KCTD8: variants seen among roughly 807,000 people sequenced by gnomAD.
The protein encoded by KCTD8 is potassium channel tetramerization domain containing 8.
KCTD8 carries 27 observed loss-of-function variants against 31.5 expected under a neutral mutation model. The observed-to-expected ratio is 0.86, with a 90% CI of 0.63 to 1.18. The LOEUF is 1.18. Ranked by LOEUF, KCTD8 falls within the 50% of genes most tolerant of loss-of-function variation. The pLI is 0.00. For synonymous variants in KCTD8, 290 were observed against 280.0 expected (o/e 1.04, Z -0.36); for missense variants, 658 against 647.7 (o/e 1.02, Z -0.17).
At chr4:44,204,237 T>C (rs1302077833) in intron 1 of KCTD8, among the ~76,000 whole-genome samples, 1 of 152,128 alleles carries the variant, frequency 6.6e-6, no homozygotes, top group South Asian at 2.1e-4. Context: ...AGTATTTCCA[T>C]TTAAGGTAGG....
intron 1 of KCTD8, among the ~76,000 whole-genome samples, chr4:44,218,471 A>G (rs958926878): frequency 4.0e-5 from 6 of 151,596 alleles, no homozygotes; most frequent in Non-Finnish European, 8.8e-5. Context: ...TTGTAACTCA[A>G]AGGATAAATG....
At position 44,352,627 on chromosome 4, in the gene KCTD8, T is replaced by C. The variant is rs1309689980; in HGVS notation, c.961+94936A>G. ...ATAAAGACCAGATTTTTAGAAATCA[T>C]AGAAAATATAAAACACATTGAAATA... On this transcript the variant is annotated intron_variant, in intron 1 of 1. Transcript: ENST00000360029. 2.7e-5 allele frequency among the ~76,000 whole-genome samples: 4 copies of C among 150,276 alleles called. No individual in the cohort carries two copies. In the East Asian group the frequency reaches 5.8e-4, roughly 22 times the overall value.
chr4:44,274,072 C>G (rs1324402962), intron 1 of KCTD8, among the ~76,000 whole-genome samples: 2 of 151,834 alleles, frequency 1.3e-5, no homozygotes, highest in Non-Finnish European at 2.9e-5. Context: ...TTCTTTAACT[C>G]TACAGATAGT....
At chr4:44,363,814 G>A (rs1394571661) in intron 1 of KCTD8, among the ~76,000 whole-genome samples, 1 of 151,990 alleles carries the variant, frequency 6.6e-6, no homozygotes, top group Non-Finnish European at 1.5e-5. Context: ...CATGGGGGTT[G>A]GTTGAAGGAC....
chr4:44,281,773 A>G (rs757180450), intron 1 of KCTD8, among the ~76,000 whole-genome samples: 1 of 152,164 alleles, frequency 6.6e-6, no homozygotes, highest in Non-Finnish European at 1.5e-5. Flanking sequence ...TGGCACTGGT[A>G]TTAAACACTA....
At chr4:44,222,260 G>A (rs979936893) in intron 1 of KCTD8, among the ~76,000 whole-genome samples, 3 of 151,982 alleles carry the variant, frequency 2.0e-5, no homozygotes. Flanking sequence ...TTGCTGAGTT[G>A]AGCCTGAAGT....
intron 1 of KCTD8, among the ~76,000 whole-genome samples, chr4:44,356,418 G>A (rs982554477): frequency 1.3e-5 from 2 of 152,154 alleles, no homozygotes; most frequent in African/African-American, 4.8e-5. Flanking sequence ...CCCATAGATA[G>A]ATCTGTTAGG....
At chr4:44,284,764 C>A (rs940373994) in intron 1 of KCTD8, among the ~76,000 whole-genome samples, 4 of 152,054 alleles carry the variant, frequency 2.6e-5, no homozygotes, top group African/African-American at 9.7e-5. Flanking sequence ...AGAACTTAAA[C>A]AAATTTACAA....
intron 1 of KCTD8, among the ~76,000 whole-genome samples, chr4:44,229,790 A>G (rs1289754449): frequency 1.3e-5 from 2 of 151,908 alleles, no homozygotes; most frequent in Non-Finnish European, 2.9e-5. Flanking sequence ...GATCTACTAA[A>G]CACTCTACAA....
intron 1 of KCTD8, among the ~76,000 whole-genome samples, chr4:44,363,492 A>G (rs1377710379): frequency 6.6e-6 from 1 of 151,748 alleles, no homozygotes; most frequent in East Asian, 1.9e-4. Flanking sequence ...CACAGACTTG[A>G]GTAAAATGAG....
intron 1 of KCTD8, among the ~76,000 whole-genome samples, chr4:44,285,437 A>G (rs564642557): frequency 3.9e-5 from 6 of 152,080 alleles, no homozygotes; most frequent in Admixed American, 6.6e-5. Flanking sequence ...ACACATGGAC[A>G]CAGGGAGGGG....
chr4:44,184,081 C>A (rs1211991308), intron 1 of KCTD8, among the ~76,000 whole-genome samples: 2 of 152,212 alleles, frequency 1.3e-5, no homozygotes, highest in African/African-American at 4.8e-5. Flanking sequence ...CATGTGCACA[C>A]ACACCTGCAC....
At chr4:44,236,894 G>A (rs1715306536) in intron 1 of KCTD8, among the ~76,000 whole-genome samples, 1 of 152,146 alleles carries the variant, frequency 6.6e-6, no homozygotes, top group Admixed American at 6.5e-5. Flanking sequence ...CACGAGATCT[G>A]ATGATTTTAT....
chr4:44,390,550 ATAGTT>A (rs1720347032), intron 1 of KCTD8, among the ~76,000 whole-genome samples: 1 of 151,910 alleles, frequency 6.6e-6, no homozygotes, highest in Non-Finnish European at 1.5e-5. Context: ...CTATGGCCTT[ATAGTT>A]TAAAGTCAGG....
chr4:44,402,745 C>A (rs1165394693), intron 1 of KCTD8, among the ~76,000 whole-genome samples: 1 of 152,166 alleles, frequency 6.6e-6, no homozygotes, highest in East Asian at 1.9e-4. Flanking sequence ...TCAGCTGGCA[C>A]TGAAGTATTT....
chr4:44,403,351 T>A (rs1280209255), intron 1 of KCTD8, among the ~76,000 whole-genome samples: 2 of 152,050 alleles, frequency 1.3e-5, no homozygotes, highest in Non-Finnish European at 2.9e-5. Context: ...TTATCTACTT[T>A]TTCTGTAGAA....
Position 44,175,107 on chromosome 4 carries a change from G to A in KCTD8, c.1105C>T (p.Pro369Ser). The change falls in exon 2 of 2, where the codon CCC becomes TCC. Residue 369 changes from proline (P) to serine (S), a missense_variant. By Grantham distance (74) the Pro-to-Ser change is moderately conservative (BLOSUM62 -1). Transcript: ENST00000360029. ...SCDSHSEAST[P>S]QDNPSSAQQA... ...TGGGCACTGGATGGGTTGTCCTGGG[G>A]AGTGCTTGCCTCTGAATGGCTGTCA... 6.2e-7 allele frequency: 1 copy of A among 1,614,034 alleles called. No homozygotes were observed. The highest frequency in any genetic ancestry group is 2.2e-5 in the East Asian group (1 of 44,866).
intron 1 of KCTD8, among the ~76,000 whole-genome samples, chr4:44,202,228 T>C (rs532696089): frequency 3.9e-5 from 6 of 152,138 alleles, no homozygotes; most frequent in Non-Finnish European, 7.4e-5. Context: ...AGAAGGCAGT[T>C]TGGAGATCTC....
At chr4:44,323,506 C>CCA (rs1553901400) in intron 1 of KCTD8, among the ~76,000 whole-genome samples, 1 of 134,668 alleles carries the variant, frequency 7.4e-6, no homozygotes, top group Non-Finnish European at 1.6e-5. Flanking sequence ...ACCCACCCCC[C>CCA]CCCAAAAAAA....
Sources: gnomAD v4.1 joint callset for allele counts (sites outside exome capture counted in the v4.1 genomes callset) on GRCh38, gnomAD v4.1.1 for gene constraint, MANE v1.5 for transcripts, NCBI Gene and HGNC (gene_info 2026-07-23, HGNC 2026-07-21) for gene names.